EGFR: variants seen among roughly 807,000 people sequenced by gnomAD.
EGFR encodes the protein avian erythroblastic leukemia viral (v-erb-b) oncogene homolog.
In EGFR, 58 loss-of-function variants were observed where a neutral mutation model predicts 143.0. The observed-to-expected ratio is 0.41, with a 90% CI of 0.33 to 0.50. The LOEUF (loss-of-function observed/expected upper bound fraction) is 0.50. Among genes scored for constraint, EGFR ranks in the 20% least tolerant of loss-of-function variants. The pLI is 0.39. For synonymous variants in EGFR, 613 were observed against 594.4 expected (o/e 1.03, Z -0.45); for missense variants, 1,307 against 1,579.0 (o/e 0.83, Z 2.92).
chr7:55,176,121 C>A (rs570250183), intron 19 of EGFR, among the ~76,000 whole-genome samples: 1 of 152,234 alleles, frequency 6.6e-6, no homozygotes, highest in Non-Finnish European at 1.5e-5. Context: ...GGCCCCTCAC[C>A]TGTGCTGTGT....
intron 7 of EGFR, 48 bp from the exon 8 acceptor site, chr7:55,155,782 G>T (rs1316565057): frequency 6.6e-7 from 1 of 1,525,238 alleles, no homozygotes. Flanking sequence ...TGAGGCCCGA[G>T]CACCTGGTGC....
chr7:55,165,184 C>G (rs993570062), intron 14 of EGFR, 96 bp from the exon 15 acceptor site: 39 of 1,576,276 alleles, frequency 2.5e-5, no homozygotes, highest in Non-Finnish European at 3.4e-5. Flanking sequence ...GCTTTCCCCA[C>G]TCACACACAC....
At chr7:55,071,026 C>T (rs1330588247) in intron 1 of EGFR, among the ~76,000 whole-genome samples, 2 of 152,350 alleles carry the variant, frequency 1.3e-5, no homozygotes, top group Non-Finnish European at 2.9e-5. Flanking sequence ...TGCCAAACGC[C>T]GCTAGCAGGA....
intron 1 of EGFR, among the ~76,000 whole-genome samples, chr7:55,065,457 T>C (rs1789439092): frequency 6.6e-6 from 1 of 152,224 alleles, no homozygotes; most frequent in Non-Finnish European, 1.5e-5. Context: ...ACTAACACAT[T>C]TGTGTCTTTA....
intron 1 of EGFR, among the ~76,000 whole-genome samples, chr7:55,112,395 G>A (rs1041657954): frequency 2.6e-5 from 4 of 152,240 alleles, no homozygotes; most frequent in African/African-American, 4.8e-5. Flanking sequence ...GCTGCCCGGG[G>A]TGGCACGTTG....
chr7:55,202,255 G>A (rs1787882037), intron 26 of EGFR, among the ~76,000 whole-genome samples: 1 of 152,232 alleles, frequency 6.6e-6, no homozygotes, highest in Non-Finnish European at 1.5e-5. Flanking sequence ...CACGTGGCTA[G>A]TGGTGACCGT....
chr7:55,126,294 G>A (rs1793518906), intron 1 of EGFR, among the ~76,000 whole-genome samples: 1 of 152,226 alleles, frequency 6.6e-6, no homozygotes, highest in Non-Finnish European at 1.5e-5. Flanking sequence ...CTATGTCCCA[G>A]GACTGTTCGT....
intron 1 of EGFR, among the ~76,000 whole-genome samples, chr7:55,038,584 C>T (rs757385837): frequency 2.6e-5 from 4 of 152,156 alleles, no homozygotes; most frequent in Admixed American, 6.5e-5. Context: ...TTTTCTCAAA[C>T]TGGGAGTGAC....
chr7:55,168,769 A>G (rs1029105656), intron 15 of EGFR: 13 of 553,598 alleles, frequency 2.3e-5, no homozygotes, highest in Admixed American at 3.6e-5. Flanking sequence ...CATTAATTAT[A>G]TAGGAATTAC....
intron 21 of EGFR, among the ~76,000 whole-genome samples, chr7:55,192,439 C>G (rs1024287107): frequency 6.6e-6 from 1 of 152,198 alleles, no homozygotes; most frequent in African/African-American, 2.4e-5. Context: ...GCCTGCTTGG[C>G]TCCTAGCAGC....
chr7:55,137,463 G>A (rs774883461), intron 1 of EGFR, among the ~76,000 whole-genome samples: 1 of 152,216 alleles, frequency 6.6e-6, no homozygotes, highest in Non-Finnish European at 1.5e-5. Flanking sequence ...CATAATAGCA[G>A]AGGAAGGCCA....
In EGFR at chr7:55,143,506, C is replaced by T. The variant is rs756250461; in HGVS notation, c.424+18C>T. 1 of 1,613,998 alleles carries T rather than the reference C, an allele frequency of 6.2e-7. No individual in the cohort carries two copies. The highest frequency in any genetic ancestry group is 1.1e-5 in the South Asian group (1 of 91,080). ...TTTACAGGGTGAGAGGCTGGGATGC[C>T]AAGGCTGGGGGTTCATAAATGCAGA... On this transcript the variant is annotated intron_variant, in intron 3 of 27. Coordinates refer to ENST00000275493, the MANE Select transcript of EGFR (RefSeq NM_005228.5).
In EGFR at chr7:55,068,341, T is replaced by C. The variant is rs76016006; in HGVS notation, c.88+48976T>C. On this transcript the variant is annotated intron_variant, in intron 1 of 27. Coordinates refer to ENST00000275493, the MANE Select transcript of EGFR (RefSeq NM_005228.5). The stretch of plus-strand genomic sequence containing the variant: ...AAATAGAGAATACAAAGAGGAGATT[T>C]TAAAATGTCAGTGGCAGCCCCACAC... 1.2e-4 allele frequency among the ~76,000 whole-genome samples: 18 copies of C among 152,346 alleles called. No homozygotes were observed. In the East Asian group the frequency reaches 3.5e-3, roughly 29 times the overall value.
At chr7:55,192,552 C>G (rs1401248696) in intron 21 of EGFR, among the ~76,000 whole-genome samples, 1 of 152,342 alleles carries the variant, frequency 6.6e-6, no homozygotes, top group Admixed American at 6.5e-5. Context: ...GCCTGGGACA[C>G]AGAGGGTGCT....
At chr7:55,112,386 C>T (rs1234329538) in intron 1 of EGFR, among the ~76,000 whole-genome samples, 1 of 152,272 alleles carries the variant, frequency 6.6e-6, no homozygotes, top group Non-Finnish European at 1.5e-5. Flanking sequence ...ACTGAGGCAG[C>T]TGCCCGGGGT....
chr7:55,149,954 T>C (rs1794947291), intron 4 of EGFR, among the ~76,000 whole-genome samples: 1 of 152,224 alleles, frequency 6.6e-6, no homozygotes, highest in African/African-American at 2.4e-5. Context: ...TACATAGACT[T>C]ATATGTCTAT....
rs2128929650 is a variant in EGFR, at chr7:55,146,733, G to A, written c.552G>A (p.Leu184=). 1 of 1,614,180 alleles carries A rather than the reference G, an allele frequency of 6.2e-7. No homozygotes were observed. The highest frequency in any genetic ancestry group is 1.7e-5 in the Admixed American group (1 of 60,032). The part of the protein sequence containing the change: ...SNMSMDFQNH[L]GSCQKCDPSC... Reference sequence around the variant, plus strand: ...TGTCGATGGACTTCCAGAACCACCTGGGCAGCTGTAAGTGTCGCATACACA... The same window carrying A: ...TGTCGATGGACTTCCAGAACCACCTAGGCAGCTGTAAGTGTCGCATACACA... Residue 184 remains leucine (L), a synonymous_variant, in exon 4 of 28, where the codon CTG becomes CTA. Transcript: ENST00000275493.
At chr7:55,138,241 C>G (rs1038498772) in intron 1 of EGFR, among the ~76,000 whole-genome samples, 3 of 152,126 alleles carry the variant, frequency 2.0e-5, no homozygotes, top group Non-Finnish European at 4.4e-5. Flanking sequence ...GCTTTGAAGT[C>G]CTAAGTCATA....
At chr7:55,041,446 G>A (rs146212165) in intron 1 of EGFR, among the ~76,000 whole-genome samples, 2 of 152,010 alleles carry the variant, frequency 1.3e-5, no homozygotes, top group African/African-American at 4.8e-5. Flanking sequence ...ACATAAAAAC[G>A]TGGAGTGAGC....
Sources: allele counts gnomAD v4.1 joint callset (sites outside exome capture counted in the v4.1 genomes callset), GRCh38; gene constraint gnomAD v4.1.1; transcripts MANE v1.5; gene names NCBI Gene and HGNC (gene_info 2026-07-23, HGNC 2026-07-21).